The following PALLD variants were observed in gnomAD, a reference collection of about 807,000 sequenced individuals.
PALLD encodes the protein palladin, cytoskeletal associated protein, also known as palladin.
A neutral mutation model predicts 123.5 loss-of-function variants in PALLD; 61 were observed. That is an observed-to-expected ratio of 0.49 (90% CI 0.40 to 0.61). The LOEUF is 0.61. PALLD is among the 20% of genes least tolerant of loss of function. The pLI is 0.00. For synonymous variants in PALLD, 465 were observed against 496.4 expected (o/e 0.94, Z 0.84); for missense variants, 1,273 against 1,377.0 (o/e 0.92, Z 1.20).
intron 2 of PALLD, among the ~76,000 whole-genome samples, chr4:168,580,525 A>C (rs1770146344): frequency 2.0e-5 from 3 of 152,060 alleles, no homozygotes; most frequent in African/African-American, 4.8e-5. Context: ...ACTGCTGGTG[A>C]GAGTATAAAT....
intron 17 of PALLD, among the ~76,000 whole-genome samples, chr4:168,920,478 T>C (rs752720244): frequency 1.3e-5 from 2 of 152,200 alleles, no homozygotes; most frequent in Non-Finnish European, 2.9e-5. Context: ...CATCTTTTTG[T>C]ATATAACTTC....
chr4:168,570,381 G>A (rs1041835796), intron 2 of PALLD, among the ~76,000 whole-genome samples: 4 of 151,964 alleles, frequency 2.6e-5, no homozygotes, highest in African/African-American at 4.8e-5. Flanking sequence ...TTTCCCTTAC[G>A]GGTTTTAAAA....
At chr4:168,666,991 T>C (rs1357310746) in intron 2 of PALLD, among the ~76,000 whole-genome samples, 1 of 152,222 alleles carries the variant, frequency 6.6e-6, no homozygotes, top group Admixed American at 6.5e-5. Context: ...TTGCATTGCA[T>C]AGAATGCTCA....
chr4:168,599,078 A>C (rs1772282695), intron 2 of PALLD, among the ~76,000 whole-genome samples: 3 of 152,172 alleles, frequency 2.0e-5, no homozygotes, highest in Admixed American at 6.5e-5. Flanking sequence ...AACTTCTCCA[A>C]GCCTGATCCC....
chr4:168,725,884 G>A (rs1251906675), intron 10 of PALLD, among the ~76,000 whole-genome samples: 1 of 152,162 alleles, frequency 6.6e-6, no homozygotes, highest in Non-Finnish European at 1.5e-5. Flanking sequence ...AAAAAGAGTA[G>A]CTTAGTCTTC....
intron 14 of PALLD, among the ~76,000 whole-genome samples, chr4:168,899,103 A>G (rs1292184656): frequency 1.3e-5 from 2 of 152,198 alleles, no homozygotes; most frequent in African/African-American, 2.4e-5. Flanking sequence ...CAGACAAGTA[A>G]TGCTCACCAC....
In PALLD at chr4:168,844,488, G is replaced by A. The variant is rs1746505014; in HGVS notation, c.1965-46434G>A. On this transcript the variant is annotated intron_variant, in intron 10 of 21. Transcript: ENST00000505667. This position sits in a 1 kb window ranked among gnomAD's most constrained non-coding sequence, Gnocchi z 4.5. ...TTCAAGAATTTGTGGATTTCAGAAT[G>A]GTTGAGCAGCTCATAGCTTTTCTAA... 1 of 152,220 alleles carries A rather than the reference G, an allele frequency of 6.6e-6. No homozygotes were observed. The highest frequency in any genetic ancestry group is 1.5e-5 in the Non-Finnish European group (1 of 68,042). The allele number at this position is 152,220 out of a possible 1,614,324, so 9.4% of individuals were successfully genotyped here. A position where few individuals can be genotyped will look rare whatever the true frequency, so the allele number is the denominator to read the frequency against.
At chr4:168,774,025 C>T (rs1470565151) in intron 10 of PALLD, among the ~76,000 whole-genome samples, 1 of 150,972 alleles carries the variant, frequency 6.6e-6, no homozygotes, top group East Asian at 1.9e-4. Context: ...TAAGCTGAGT[C>T]ACATTTTATG....
chr4:168,859,578 T>C (rs1749131371), intron 10 of PALLD, among the ~76,000 whole-genome samples: 1 of 152,260 alleles, frequency 6.6e-6, no homozygotes, highest in Non-Finnish European at 1.5e-5. Flanking sequence ...TTTTTGCCAC[T>C]ATCATGGACA....
chr4:168,557,631 C>T (rs1294256896), intron 2 of PALLD, among the ~76,000 whole-genome samples: 1 of 152,186 alleles, frequency 6.6e-6, no homozygotes, highest in Admixed American at 6.5e-5. Context: ...CAGTAATCTT[C>T]CTGTGTCCCA....
chr4:168,549,462 A>G (rs1766504486), intron 2 of PALLD, among the ~76,000 whole-genome samples: 1 of 152,224 alleles, frequency 6.6e-6, no homozygotes, highest in Admixed American at 6.5e-5. Flanking sequence ...TATAATGTCA[A>G]GTAAACAAGA....
At position 168,833,916 on chromosome 4, in the gene PALLD, T is replaced by C. The variant is rs564784683; in HGVS notation, c.1965-57006T>C. On this transcript the variant is annotated intron_variant, in intron 10 of 21. Transcript: ENST00000505667. Reference sequence around the variant, plus strand: ...TTGTGTGAGTGTAAGATTTATAACTTGAGGGAGGCAGTTAATAAATAGCAC... The same window carrying C: ...TTGTGTGAGTGTAAGATTTATAACTCGAGGGAGGCAGTTAATAAATAGCAC... Among the ~76,000 whole-genome samples, 132 of 149,316 alleles carry C rather than the reference T, an allele frequency of 8.8e-4. 1 individual carries two copies. The highest frequency in any genetic ancestry group is 6.4e-4 in the Non-Finnish European group (43 of 67,552).
intron 2 of PALLD, among the ~76,000 whole-genome samples, chr4:168,649,090 C>T (rs998034157): frequency 6.6e-6 from 1 of 152,210 alleles, no homozygotes; most frequent in African/African-American, 2.4e-5. Context: ...CTCAGCAGAG[C>T]CAAGAACTTT....
chr4:168,735,792 T>G (rs544304841), intron 10 of PALLD, among the ~76,000 whole-genome samples: 10 of 152,310 alleles, frequency 6.6e-5, no homozygotes, highest in African/African-American at 2.4e-4. Flanking sequence ...CTTTGATGAT[T>G]GCTGAAAGTC....
In PALLD at chr4:168,903,562, A is replaced by AAAATTT. The variant is rs1757007983; in HGVS notation, c.2473-192_2473-191insTTTAAA. 3.9e-5 allele frequency among the ~76,000 whole-genome samples: 6 copies of AAAATTT among 152,332 alleles called. No individual in the cohort carries two copies. The South Asian group carries it at 1.2e-3, about 32-fold the overall frequency. ...AAACAAAAGGAAGATATATAATTTA[A>AAAATTT]AAACTCAAATAGAATTTAAATTGTT... On this transcript the variant is annotated intron_variant, in intron 14 of 21. Coordinates refer to ENST00000505667, the MANE Select transcript of PALLD (RefSeq NM_001166108.2).
intron 2 of PALLD, among the ~76,000 whole-genome samples, chr4:168,665,146 T>A (rs1779509915): frequency 6.6e-6 from 1 of 152,222 alleles, no homozygotes; most frequent in Non-Finnish European, 1.5e-5. Flanking sequence ...TACAATCATG[T>A]TTCTGAGATC....
At chr4:168,677,130 G>A (rs533506231) in intron 3 of PALLD, among the ~76,000 whole-genome samples, 78 of 152,086 alleles carry the variant, frequency 5.1e-4, no homozygotes, top group African/African-American at 1.8e-3. Context: ...GAAAGTGACG[G>A]TTAATAAATA....
chr4:168,785,846 GATATAT>G (rs6148775), intron 10 of PALLD, among the ~76,000 whole-genome samples: 937 of 80,920 alleles, frequency 0.012, 44 homozygotes, highest in Middle Eastern at 0.043. Flanking sequence ...AAACTGTAGA[GATATAT>G]ATATATATAT....
At chr4:168,537,009 T>C (rs1012017166) in intron 2 of PALLD, among the ~76,000 whole-genome samples, 2 of 152,158 alleles carry the variant, frequency 1.3e-5, no homozygotes, top group African/African-American at 4.8e-5. Context: ...TTTGTATTTT[T>C]AGTAGAGACA....
Sources: gnomAD v4.1 joint callset for allele counts (sites outside exome capture counted in the v4.1 genomes callset) on GRCh38, gnomAD v4.1.1 for gene constraint, Gnocchi (gnomAD v3.1) non-coding constraint, MANE v1.5 for transcripts, NCBI Gene and HGNC (gene_info 2026-07-23, HGNC 2026-07-21) for gene names.